CP: variants seen among roughly 807,000 people sequenced by gnomAD.
The protein encoded by CP is ceruloplasmin, also known as caeruloplasmin.
Under a neutral mutation model 122.4 loss-of-function variants are expected in CP, and 64 were observed. That is an observed-to-expected ratio of 0.52 (90% CI 0.43 to 0.64). CP has a LOEUF of 0.64. Among genes scored for constraint, CP ranks in the 30% least tolerant of loss-of-function variants. The pLI is 0.00. For missense variants in CP, 1,167 were observed against 1,284.4 expected, an observed-to-expected ratio of 0.91 and a Z score of 1.40; for synonymous variants, 440 against 436.4, an observed-to-expected ratio of 1.01 and a Z score of -0.10.
At chr3:149,216,711 C>A (rs1353163268) in intron 1 of CP, among the ~76,000 whole-genome samples, 1 of 152,152 alleles carries the variant, frequency 6.6e-6, no homozygotes, top group Non-Finnish European at 1.5e-5. Context: ...TTCTAACCAG[C>A]CTTCCTCCAC....
At position 149,209,358 on chromosome 3, in the gene CP, GTTTTTC is replaced by G; in HGVS notation, c.628_633del (p.Glu210_Lys211del). On this transcript the variant is annotated inframe_deletion, in exon 4 of 19. Transcript: ENST00000264613. The stretch of plus-strand genomic sequence containing the variant: ...ATCACCACAAATTCTCGGTCAATAT[GTTTTTC>G]TTTTTCTTTATCTAGAGAATCTGGA... The G allele has an allele frequency of 6.2e-7, 1 of 1,613,254 alleles. No individual in the cohort carries two copies. Among genetic ancestry groups the G allele is most frequent in the Non-Finnish European group, 8.5e-7 (1 of 1,179,582 alleles).
At chr3:149,219,429 T>C (rs917835065) in intron 1 of CP, among the ~76,000 whole-genome samples, 3 of 152,208 alleles carry the variant, frequency 2.0e-5, no homozygotes, top group African/African-American at 2.4e-5. Flanking sequence ...AACTGAATCA[T>C]GGATGTGGTT....
rs549428224 is a variant in CP, at chr3:149,207,936, TA to T, written c.782-320del. On this transcript the variant is annotated intron_variant, in intron 4 of 18. Coordinates refer to ENST00000264613, the MANE Select transcript of CP (RefSeq NM_000096.4). ...AAATACAGAGGTGTGCATATATACA[TA>T]CATATAAACAAAACACACATAGAAT... Among the ~76,000 whole-genome samples, 5 of 152,252 alleles carry T rather than the reference TA, an allele frequency of 3.3e-5. No homozygotes were observed. In the South Asian group the frequency reaches 8.3e-4, roughly 25 times the overall value.
At chr3:149,174,938 A>G (rs1725313475) in intron 18 of CP, among the ~76,000 whole-genome samples, 1 of 152,166 alleles carries the variant, frequency 6.6e-6, no homozygotes, top group East Asian at 1.9e-4. Context: ...AATTTTTACT[A>G]TAGCTTTAAA....
At chr3:149,187,696 T>C (rs1297964997) in intron 10 of CP, among the ~76,000 whole-genome samples, 1 of 152,234 alleles carries the variant, frequency 6.6e-6, no homozygotes, top group Non-Finnish European at 1.5e-5. Flanking sequence ...CAGAATCATC[T>C]GCAGAGTTTG....
intron 6 of CP, among the ~76,000 whole-genome samples, chr3:149,205,025 C>T (rs1209028699): frequency 6.6e-6 from 1 of 151,652 alleles, no homozygotes; most frequent in African/African-American, 2.4e-5. Context: ...AACACAAATC[C>T]CACTTCAAAA....
Position 149,212,622 on chromosome 3 carries a change from A to C in CP, c.223T>G (p.Tyr75Asp). 1 of 1,614,056 alleles carries C rather than the reference A, an allele frequency of 6.2e-7. No individual in the cohort carries two copies. Among genetic ancestry groups the C allele is most frequent in the Non-Finnish European group, 8.5e-7 (1 of 1,179,974 alleles). The change falls in exon 2 of 19, where the codon TAC becomes GAC. Residue 75 changes from tyrosine (Y) to aspartate (D), a missense_variant. Coordinates refer to ENST00000264613, the MANE Select transcript of CP (RefSeq NM_000096.4). ...RLYKKALYLQYTDETFRTTIE... is the reference protein window; with the variant it reads ...RLYKKALYLQDTDETFRTTIE... Reference sequence around the variant, plus strand: ...GTTGTCCTAAAGGTTTCATCTGTGTACTGAAGATAAAGGGCCTTCTTATAT... The same window carrying C: ...GTTGTCCTAAAGGTTTCATCTGTGTCCTGAAGATAAAGGGCCTTCTTATAT...
At chr3:149,172,400 T>G (rs1725095593), downstream of CP, 1 of 555,052 alleles carries the variant, frequency 1.8e-6, no homozygotes, top group Non-Finnish European at 3.2e-6. Flanking sequence ...TACCGTGTAG[T>G]GGTAACTATT....
At chr3:149,186,049 T>C (rs34175628) in intron 11 of CP, 7,725 of 185,746 alleles carry the variant, frequency 0.042, 624 homozygotes, top group African/African-American at 0.17. Flanking sequence ...TTGTAGTTTG[T>C]TTTACTCGTT....
At chr3:149,193,937 TG>T (rs1427220784) in intron 9 of CP, among the ~76,000 whole-genome samples, 2 of 152,256 alleles carry the variant, frequency 1.3e-5, no homozygotes, top group Non-Finnish European at 2.9e-5. Flanking sequence ...TAGGCCTTCC[TG>T]TGTTGTGATT....
At chr3:149,213,680 C>G (rs1322690273) in intron 1 of CP, among the ~76,000 whole-genome samples, 1 of 149,994 alleles carries the variant, frequency 6.7e-6, no homozygotes, top group East Asian at 1.9e-4. Flanking sequence ...GTGTTGCCTT[C>G]TTTCATCTTA....
intron 17 of CP, 52 bp from the exon 18 acceptor site, chr3:149,176,464 T>C (rs939518588): frequency 5.8e-6 from 8 of 1,377,404 alleles, no homozygotes; most frequent in Non-Finnish European, 8.3e-6. Context: ...GAGAGTTCAC[T>C]CATGTCATTT....
At chr3:149,183,717 G>T in intron 12 of CP, 112 bp from the exon 13 acceptor site, 1 of 756,766 alleles carries the variant, frequency 1.3e-6, no homozygotes, top group Non-Finnish European at 2.1e-6. Context: ...AATTATAGTA[G>T]TTTTAAATCA....
rs1559941213 is a variant in CP at position 149,186,524 on chromosome 3, T to C, written c.2073A>G (p.Thr691=). The part of the protein sequence containing the change: ...TSLTLHMWPD[T]EGTFNVECLT... ...CTTGGCTTTAAGTAAATATACCCTCTGTGTCAGGCCACATGTGGAGCGTAA... is the reference window on the plus strand; with the variant it reads ...CTTGGCTTTAAGTAAATATACCCTCCGTGTCAGGCCACATGTGGAGCGTAA... Residue 691 remains threonine, a synonymous_variant, in exon 11 of 19, where the codon ACA becomes ACG. Coordinates refer to ENST00000264613, the MANE Select transcript of CP (RefSeq NM_000096.4). The C allele has an allele frequency of 6.8e-6, 11 of 1,614,130 alleles. No individual in the cohort carries two copies. Among genetic ancestry groups the C allele is most frequent in the Middle Eastern group, 1.6e-4 (1 of 6,062 alleles).
At chr3:149,186,840 A>T in intron 10 of CP, 108 bp from the exon 11 acceptor site, 1 of 995,718 alleles carries the variant, frequency 1.0e-6, no homozygotes, top group Middle Eastern at 3.0e-4. Flanking sequence ...TAAAAGACCT[A>T]TTCAGGCTTG....
chr3:149,205,009 A>C (rs1271033069), intron 6 of CP, among the ~76,000 whole-genome samples: 1 of 152,118 alleles, frequency 6.6e-6, no homozygotes, highest in Non-Finnish European at 1.5e-5. Flanking sequence ...GGTCAACAAC[A>C]ACAACAACAC....
At chr3:149,214,998 C>A (rs1168220613) in intron 1 of CP, among the ~76,000 whole-genome samples, 1 of 152,176 alleles carries the variant, frequency 6.6e-6, no homozygotes, top group Non-Finnish European at 1.5e-5. Context: ...CTCACAGAGA[C>A]TTGTCTAAGC....
In CP at chr3:149,186,515, T is replaced by C; in HGVS notation, c.2077+5A>G. 6.2e-7 allele frequency: 1 copy of C among 1,613,872 alleles called. No homozygotes were observed. Among genetic ancestry groups the C allele is most frequent in the Non-Finnish European group, 8.5e-7 (1 of 1,179,756 alleles). On this transcript the variant is annotated splice_donor_5th_base_variant and intron_variant, in intron 11 of 18. Transcript: ENST00000264613. ...CAATAGAGACTTGGCTTTAAGTAAA[T>C]ATACCCTCTGTGTCAGGCCACATGT... is the stretch of plus-strand genomic sequence containing the variant.
chr3:149,199,815 ATG>A lies in CP; in HGVS notation c.1396_1397del (p.His466Ter). ...TACTGAGGGGATATGCTCCTTTGTT[ATG>A]GAAGGTTACTCTGATGGTGTCTCCC... ...EVGDTIRVTFHNKGAYPLSIE... is the reference protein window; with the variant it reads ...EVGDTIRVTFXNKGAYPLSIE... On this transcript the variant is annotated frameshift_variant, in exon 8 of 19. Coordinates refer to ENST00000264613, the MANE Select transcript of CP (RefSeq NM_000096.4). LOFTEE classifies it high-confidence loss of function. The A allele has an allele frequency of 6.2e-7, 1 of 1,614,130 alleles. No homozygotes were observed. The highest frequency in any genetic ancestry group is 8.5e-7 in the Non-Finnish European group (1 of 1,179,976).
Sources: allele counts gnomAD v4.1 joint callset (sites outside exome capture counted in the v4.1 genomes callset), GRCh38; gene constraint gnomAD v4.1.1; transcripts MANE v1.5; gene names NCBI Gene and HGNC (gene_info 2026-07-23, HGNC 2026-07-21).